The following RAD51B variants were observed in gnomAD, a reference collection of about 807,000 sequenced individuals.
The protein encoded by RAD51B is RAD51 paralog B.
In RAD51B, 38 loss-of-function variants were observed where a neutral mutation model predicts 42.2. That is an observed-to-expected ratio of 0.90 (90% CI 0.70 to 1.18). The LOEUF (loss-of-function observed/expected upper bound fraction) is 1.18. RAD51B is among the 50% of genes most tolerant of loss of function. RAD51B has a pLI of 0.00. For missense variants in RAD51B, 373 were observed against 400.7 expected (o/e 0.93, Z 0.59); for synonymous variants, 154 against 145.2 (o/e 1.06, Z -0.43).
intron 8 of RAD51B, among the ~76,000 whole-genome samples, chr14:68,360,504 G>A (rs2083001265): frequency 6.6e-6 from 1 of 152,222 alleles, no homozygotes; most frequent in African/African-American, 2.4e-5. Flanking sequence ...ACCAGCAGCA[G>A]CAGTAATGAC....
At chr14:68,613,983 C>T (rs1287914801), downstream of RAD51B, among the ~76,000 whole-genome samples, 1 of 152,212 alleles carries the variant, frequency 6.6e-6, no homozygotes, top group African/African-American at 2.4e-5. Context: ...TGAATGTGAA[C>T]ATGCTTTTTT....
chr14:68,311,919 G>T (rs1438099384), intron 8 of RAD51B, among the ~76,000 whole-genome samples: 2 of 151,936 alleles, frequency 1.3e-5, no homozygotes, highest in Non-Finnish European at 2.9e-5. Flanking sequence ...ATAAATAGAA[G>T]GTAACTGGAT....
chr14:68,428,737 AT>A (rs2084919980), intron 9 of RAD51B, among the ~76,000 whole-genome samples: 1 of 40,492 alleles, frequency 2.5e-5, no homozygotes, highest in African/African-American at 6.0e-5. Context: ...ATATATATAT[AT>A]ATATATATAT....
At chr14:67,911,756 T>C (rs2043988107) in intron 7 of RAD51B, among the ~76,000 whole-genome samples, 1 of 152,222 alleles carries the variant, frequency 6.6e-6, no homozygotes, top group Non-Finnish European at 1.5e-5. Flanking sequence ...GCTGTGCTGG[T>C]TAAAAGCCAG....
intron 10 of RAD51B, among the ~76,000 whole-genome samples, chr14:68,533,568 G>A (rs1887440248): frequency 6.6e-6 from 1 of 152,196 alleles, no homozygotes; most frequent in Admixed American, 6.5e-5. Context: ...TTGTACAGAT[G>A]TCACAGTGGA....
chr14:68,214,067 C>A (rs1391335956), intron 7 of RAD51B, among the ~76,000 whole-genome samples: 1 of 152,090 alleles, frequency 6.6e-6, no homozygotes, highest in Non-Finnish European at 1.5e-5. Context: ...TATACCCTTC[C>A]CTAGTTAAAC....
intron 9 of RAD51B, among the ~76,000 whole-genome samples, chr14:68,456,810 G>A (rs866557977): frequency 3.1e-4 from 42 of 134,484 alleles, no homozygotes; most frequent in Middle Eastern, 5.2e-3. Context: ...ACTACAAGTT[G>A]AGCCTCAATA....
chr14:68,187,719 AT>A (rs765571990), intron 7 of RAD51B, among the ~76,000 whole-genome samples: 1 of 152,224 alleles, frequency 6.6e-6, no homozygotes, highest in Non-Finnish European at 1.5e-5. Flanking sequence ...CATATTTAGT[AT>A]TCATTTGCTT....
intron 7 of RAD51B, among the ~76,000 whole-genome samples, chr14:68,050,010 G>C (rs1437529910): frequency 6.6e-6 from 1 of 152,148 alleles, no homozygotes; most frequent in African/African-American, 2.4e-5. Flanking sequence ...CACAGGTCTA[G>C]AAAATCCTTA....
chr14:68,053,707 G>C (rs889139136), intron 7 of RAD51B, among the ~76,000 whole-genome samples: 3 of 152,126 alleles, frequency 2.0e-5, no homozygotes, highest in Non-Finnish European at 4.4e-5. Flanking sequence ...TTAGGTTCTT[G>C]ATAAAATACC....
chr14:68,672,578 G>A (rs769048055), intron 11 of RAD51B, among the ~76,000 whole-genome samples: 2 of 152,134 alleles, frequency 1.3e-5, no homozygotes, highest in Non-Finnish European at 2.9e-5. Context: ...TCATTCCTGA[G>A]GCAAATCTAT....
Position 68,229,697 on chromosome 14 carries a change from C to T in RAD51B, c.757-62187C>T, listed in dbSNP as rs957630507. ...GCTACATTCCCTACAAGGCCTTTGG[C>T]GTGTACCTGTTCAGTTGGTCAGTCA... On this transcript the variant is annotated intron_variant, in intron 7 of 10. Transcript: ENST00000471583. 1.4e-4 allele frequency among the ~76,000 whole-genome samples: 21 copies of T among 148,632 alleles called. No individual in the cohort carries two copies. The East Asian group carries it at 2.9e-3, about 21-fold the overall frequency.
chr14:68,503,982 C>A (rs1214569603), intron 10 of RAD51B, among the ~76,000 whole-genome samples: 1 of 152,168 alleles, frequency 6.6e-6, no homozygotes, highest in Non-Finnish European at 1.5e-5. Flanking sequence ...TAAAACTTCA[C>A]GGTGGTGGTG....
chr14:68,547,002 C>A (rs913597191), intron 10 of RAD51B, among the ~76,000 whole-genome samples: 4 of 152,240 alleles, frequency 2.6e-5, no homozygotes, highest in Admixed American at 1.3e-4. Flanking sequence ...GCTGAATGGT[C>A]TGCCTATTTC....
intron 11 of RAD51B, among the ~76,000 whole-genome samples, chr14:68,668,921 G>A (rs745840334): frequency 1.8e-4 from 27 of 152,296 alleles, no homozygotes; most frequent in Middle Eastern, 3.4e-3. Flanking sequence ...GGGTTTTCCC[G>A]AAAGACCTTT....
chr14:68,266,909 A>G (rs186983187), intron 7 of RAD51B, among the ~76,000 whole-genome samples: 1 of 152,376 alleles, frequency 6.6e-6, no homozygotes, highest in East Asian at 1.9e-4. Context: ...TTTATCACAA[A>G]TATCAGCACA....
intron 7 of RAD51B, among the ~76,000 whole-genome samples, chr14:68,277,062 C>A (rs78025302): frequency 1.6e-3 from 246 of 152,258 alleles, no homozygotes; most frequent in African/African-American, 5.7e-3. Context: ...TACTCTTTAA[C>A]CTCCTTGCAA....
chr14:68,211,671 A>G (rs2079711293), intron 7 of RAD51B, among the ~76,000 whole-genome samples: 1 of 152,188 alleles, frequency 6.6e-6, no homozygotes, highest in Non-Finnish European at 1.5e-5. Context: ...GTGGAAAGTC[A>G]CCTAAGGAAA....
chr14:68,351,703 G>A (rs1430170803), intron 8 of RAD51B, among the ~76,000 whole-genome samples: 1 of 152,196 alleles, frequency 6.6e-6, no homozygotes, highest in African/African-American at 2.4e-5. Flanking sequence ...CACTGAGACT[G>A]CAAGAGTGAG....
Sources: gnomAD v4.1 joint callset for allele counts (sites outside exome capture counted in the v4.1 genomes callset) on GRCh38, gnomAD v4.1.1 for gene constraint, MANE v1.5 for transcripts, NCBI Gene and HGNC (gene_info 2026-07-23, HGNC 2026-07-21) for gene names.